MPDZ: variants seen among roughly 807,000 people sequenced by gnomAD.
The protein encoded by MPDZ is multiple PDZ domain crumbs cell polarity complex component, also known as multiple PDZ domain protein.
A neutral mutation model predicts 239.1 loss-of-function variants in MPDZ; 234 were observed. The observed-to-expected ratio is 0.98, with a 90% CI of 0.88 to 1.09. MPDZ has a LOEUF of 1.09. Among genes scored for constraint, MPDZ ranks in the 50% least tolerant of loss-of-function variants. MPDZ has a pLI of 0.00. For synonymous variants in MPDZ, 1,048 were observed against 881.3 expected, an observed-to-expected ratio of 1.19 and a Z score of -3.35; for missense variants, 3,175 against 2,510.0, an observed-to-expected ratio of 1.26 and a Z score of -5.66.
intron 1 of MPDZ, among the ~76,000 whole-genome samples, chr9:13,274,003 A>G (rs1973599996): frequency 6.6e-6 from 1 of 152,146 alleles, no homozygotes; most frequent in African/African-American, 2.4e-5. Flanking sequence ...AAATCTATTG[A>G]TCAACAGCTG....
At position 13,118,341 on chromosome 9, in the gene MPDZ, C is replaced by T. The variant is rs189942869; in HGVS notation, c.5379+1161G>A. Among the ~76,000 whole-genome samples the T allele has an allele frequency of 9.2e-5, 14 of 152,250 alleles. No homozygotes were observed. The South Asian group carries it at 2.7e-3, about 29-fold the overall frequency. On this transcript the variant is annotated intron_variant, in intron 39 of 46. Coordinates refer to ENST00000319217, the MANE Select transcript of MPDZ (RefSeq NM_001378778.1). The stretch of plus-strand genomic sequence containing the variant: ...GATTGAGAAACCTAATGAGAAGTGA[C>T]GAATGTTAACTTTGCTTTAATAACC...
At chr9:13,196,930 T>C (rs935729883) in intron 12 of MPDZ, among the ~76,000 whole-genome samples, 2 of 151,992 alleles carry the variant, frequency 1.3e-5, no homozygotes, top group African/African-American at 4.8e-5. Flanking sequence ...AAGATTTGTC[T>C]TTTTAAAATC....
intron 42 of MPDZ, among the ~76,000 whole-genome samples, chr9:13,112,778 C>A (rs1942709639): frequency 6.6e-6 from 1 of 152,058 alleles, no homozygotes; most frequent in Non-Finnish European, 1.5e-5. Flanking sequence ...TGTGTGGGGT[C>A]AATTTTATGC....
In MPDZ at chr9:13,193,172, A is replaced by T; in HGVS notation, c.1798T>A (p.Leu600Met). The T allele has an allele frequency of 6.3e-7, 1 of 1,576,530 alleles. No homozygotes were observed. Among genetic ancestry groups the T allele is most frequent in the East Asian group, 2.3e-5 (1 of 44,340 alleles). ...SGKLFSGDEL[L>M]EVNGITLLGE... Reference sequence around the variant, plus strand: ...GGAACAGCATAGCTCCTTACTTCCAATAGCTCGTCTCCACTGAAGAGCTTC... The same window carrying T: ...GGAACAGCATAGCTCCTTACTTCCATTAGCTCGTCTCCACTGAAGAGCTTC... Residue 600 changes from leucine (L) to methionine (M), a missense_variant, in exon 14 of 47, where the codon TTG becomes ATG. Leu to Met is a conservative substitution (Grantham distance 15, BLOSUM62 2). Coordinates refer to ENST00000319217, the MANE Select transcript of MPDZ (RefSeq NM_001378778.1).
rs1964046629 is a variant in MPDZ, at chr9:13,236,311, CTTG to C, written c.183+11321_183+11323del. Among the ~76,000 whole-genome samples the C allele has an allele frequency of 2.8e-5, 3 of 108,624 alleles. No homozygotes were observed. The South Asian group carries it at 9.3e-4, about 34-fold the overall frequency. 71.3% of individuals were successfully genotyped at this position (108,624 alleles called of 152,430 possible). On this transcript the variant is annotated intron_variant, in intron 3 of 46. Transcript: ENST00000319217. ...TTTTTTTTTGAGACAGAGTTTCACT[CTTG>C]TTGCCCAGGCTGGAGTGCGATGGCA...
At chr9:13,243,808 T>G (rs1321370480) in intron 3 of MPDZ, among the ~76,000 whole-genome samples, 1 of 152,174 alleles carries the variant, frequency 6.6e-6, no homozygotes, top group Non-Finnish European at 1.5e-5. Flanking sequence ...CTACACTTTT[T>G]GGGAGGAAAG....
rs1563935382 is a variant in MPDZ at position 13,162,766 on chromosome 9, T to TC, written c.3283dup (p.Glu1095GlyfsTer40). ...TTGTCCCAAGCTTATTTTGAACTCT[T>TC]CCAAATGTTCTGCAGGCACATAAGT... is the stretch of plus-strand genomic sequence containing the variant. On this transcript the variant is annotated frameshift_variant, in exon 23 of 47. Transcript: ENST00000319217. LOFTEE classifies it high-confidence loss of function. The TC allele has an allele frequency of 9.9e-6, 16 of 1,610,756 alleles. No homozygotes were observed. The highest frequency in any genetic ancestry group is 1.4e-5 in the Non-Finnish European group (16 of 1,178,096).
Position 13,168,431 on chromosome 9 carries a change from G to A in MPDZ, c.3189C>T (p.Ile1063=), listed in dbSNP as rs758403987. The stretch of plus-strand genomic sequence containing the variant: ...CTCGTGCCTGGGCATTGGTTACACT[G>A]ATGGTAGACTCTTCATTAATGGACA... ...CILSINEEST[I]SVTNAQARAM... is the part of the protein sequence containing the mutation. Residue 1063 remains isoleucine (I), a synonymous_variant, in exon 22 of 47, where the codon ATC becomes ATT. Transcript: ENST00000319217. 2.5e-6 allele frequency: 4 copies of A among 1,613,428 alleles called. No homozygotes were observed. Among genetic ancestry groups the A allele is most frequent in the African/African-American group, 2.7e-5 (2 of 74,884 alleles).
intron 23 of MPDZ, among the ~76,000 whole-genome samples, chr9:13,162,274 A>G (rs1447441078): frequency 6.6e-6 from 1 of 151,986 alleles, no homozygotes; most frequent in Non-Finnish European, 1.5e-5. Context: ...AAAAAAAAAA[A>G]AAAGAAAAAA....
rs960199463 is a variant in MPDZ, at chr9:13,234,038, A to G, written c.184-9455T>C. Among the ~76,000 whole-genome samples the G allele has an allele frequency of 8.5e-5, 13 of 152,068 alleles. 1 individual carries two copies. Among genetic ancestry groups the G allele is most frequent in the Non-Finnish European group, 5.9e-5 (4 of 67,998 alleles). ...ATTTAGATTTGTCTTCCCAAATATTATAAATTTTTAAAACTTTTAATCATT... is the reference window on the plus strand; with the variant it reads ...ATTTAGATTTGTCTTCCCAAATATTGTAAATTTTTAAAACTTTTAATCATT... On this transcript the variant is annotated intron_variant, in intron 3 of 46. Transcript: ENST00000319217.
At chr9:13,233,607 C>G (rs1192313035) in intron 3 of MPDZ, among the ~76,000 whole-genome samples, 1 of 151,932 alleles carries the variant, frequency 6.6e-6, no homozygotes, top group Admixed American at 6.6e-5. Context: ...TAAAAAAATC[C>G]TTGGGCACAC....
chr9:13,136,490 C>T lies in MPDZ; in HGVS notation c.4292+222G>A, dbSNP rs185441125. Among the ~76,000 whole-genome samples, 496 of 151,702 alleles carry T rather than the reference C, an allele frequency of 3.3e-3. 2 individuals are homozygous for T. The highest frequency in any genetic ancestry group is 5.4e-3 in the Non-Finnish European group (365 of 67,902). On this transcript the variant is annotated intron_variant, in intron 30 of 46. Transcript: ENST00000319217. ...GGGACTACAGGTGCGTGCCACCACG[C>T]CCGGCTAATTTTTTTTTAGTAGAGA... is the stretch of plus-strand genomic sequence containing the variant.
chr9:13,217,391 G>A (rs1958491979), intron 8 of MPDZ, 97 bp from the exon 9 acceptor site: 1 of 751,508 alleles, frequency 1.3e-6, no homozygotes, highest in Non-Finnish European at 2.1e-6. Flanking sequence ...ATAAAATAAA[G>A]CCACAGGCCT....
At chr9:13,249,103 TTC>T (rs1967172877) in intron 2 of MPDZ, among the ~76,000 whole-genome samples, 1 of 97,318 alleles carries the variant, frequency 1.0e-5, no homozygotes, top group African/African-American at 3.0e-5. Context: ...TGATCATGGG[TTC>T]ACACACACAC....
chr9:13,218,425 C>T (rs932524069), intron 8 of MPDZ, among the ~76,000 whole-genome samples: 1 of 151,850 alleles, frequency 6.6e-6, no homozygotes, highest in South Asian at 2.1e-4. Flanking sequence ...TCTAAGCTTT[C>T]AATTACATCA....
chr9:13,170,096 A>G (rs962345287), intron 21 of MPDZ, among the ~76,000 whole-genome samples: 3 of 152,182 alleles, frequency 2.0e-5, no homozygotes, highest in African/African-American at 7.2e-5. Flanking sequence ...GTTTCTTCCA[A>G]AACAAAATTA....
chr9:13,150,036 T>C (rs1948949801), intron 25 of MPDZ, among the ~76,000 whole-genome samples: 1 of 152,122 alleles, frequency 6.6e-6, no homozygotes, highest in Non-Finnish European at 1.5e-5. Flanking sequence ...AAGTACTTAT[T>C]GAAATAAAAT....
Position 13,247,806 on chromosome 9 carries a change from A to T in MPDZ, c.17-5T>A. On this transcript the variant is annotated splice_region_variant and splice_polypyrimidine_tract_variant and intron_variant, in intron 2 of 46. Transcript: ENST00000319217. ...CATGCAGGGCCCGATTTTTGTCTATACCAAAGAGCAGCATTTGTCAATAAC... is the reference window on the plus strand; with the variant it reads ...CATGCAGGGCCCGATTTTTGTCTATTCCAAAGAGCAGCATTTGTCAATAAC... 6.3e-7 allele frequency: 1 copy of T among 1,593,764 alleles called. No individual in the cohort carries two copies. The highest frequency in any genetic ancestry group is 8.6e-7 in the Non-Finnish European group (1 of 1,164,134).
At chr9:13,190,519 T>C (rs1466280466) in intron 15 of MPDZ, among the ~76,000 whole-genome samples, 2 of 152,198 alleles carry the variant, frequency 1.3e-5, no homozygotes, top group Admixed American at 6.6e-5. Context: ...ATTAAAAATA[T>C]ATGATTCAAA....
Sources: gnomAD v4.1 joint callset for allele counts (sites outside exome capture counted in the v4.1 genomes callset) on GRCh38, gnomAD v4.1.1 for gene constraint, MANE v1.5 for transcripts, NCBI Gene and HGNC (gene_info 2026-07-23, HGNC 2026-07-21) for gene names.